The following DENND1A variants were observed in gnomAD, a reference collection of about 807,000 sequenced individuals.
DENND1A encodes the protein DENN domain containing 1A.
In DENND1A, 51 loss-of-function variants were observed where a neutral mutation model predicts 113.7. That is an observed-to-expected ratio of 0.45 (90% confidence interval 0.36 to 0.57). The LOEUF is 0.57. DENND1A is among the 20% of genes least tolerant of loss of function. The pLI, the probability that DENND1A is intolerant of heterozygous loss-of-function variation, is 0.00. For synonymous variants in DENND1A, 565 were observed against 570.8 expected, an observed-to-expected ratio of 0.99 and a Z score of 0.14; for missense variants, 1,258 against 1,395.9, an observed-to-expected ratio of 0.90 and a Z score of 1.57.
chr9:123,807,267 T>C (rs964440449), intron 2 of DENND1A, among the ~76,000 whole-genome samples: 1 of 152,210 alleles, frequency 6.6e-6, no homozygotes, highest in East Asian at 1.9e-4. Flanking sequence ...ATTTTTTAAA[T>C]GAACTTTGCA....
chr9:123,696,321 C>T (rs2065519200), intron 5 of DENND1A, among the ~76,000 whole-genome samples: 1 of 152,192 alleles, frequency 6.6e-6, no homozygotes, highest in South Asian at 2.1e-4. Context: ...AATTATTGCA[C>T]TTAGAATTCA....
At chr9:123,697,299 C>T (rs556676277) in intron 5 of DENND1A, among the ~76,000 whole-genome samples, 1 of 152,186 alleles carries the variant, frequency 6.6e-6, no homozygotes, top group Non-Finnish European at 1.5e-5. Flanking sequence ...TCATACAAGA[C>T]AAAATTAATT....
chr9:123,754,541 C>T lies in DENND1A; in HGVS notation c.302+3162G>A, dbSNP rs577869896. ...CTAGAAAAGCAACAGCAAGACGACA[C>T]TATGCCTTGGGATCATTCTGTGTAT... On this transcript the variant is annotated intron_variant, in intron 5 of 23. Transcript: ENST00000394215. 5.1e-4 allele frequency among the ~76,000 whole-genome samples: 77 copies of T among 152,300 alleles called. 1 individual carries two copies. The South Asian group carries it at 0.015, about 30-fold the overall frequency.
chr9:123,782,704 T>C (rs1389650274), intron 3 of DENND1A, among the ~76,000 whole-genome samples: 2 of 152,184 alleles, frequency 1.3e-5, no homozygotes, highest in Non-Finnish European at 2.9e-5. Context: ...AAAAACCAAT[T>C]AGTATCTTCT....
At chr9:123,707,436 C>T (rs541102771) in intron 5 of DENND1A, among the ~76,000 whole-genome samples, 1 of 151,866 alleles carries the variant, frequency 6.6e-6, no homozygotes, top group African/African-American at 2.4e-5. Flanking sequence ...GGACTGAGCC[C>T]TGGAAGGGAG....
intron 21 of DENND1A, among the ~76,000 whole-genome samples, chr9:123,399,704 G>A (rs1227641706): frequency 6.6e-6 from 1 of 152,220 alleles, no homozygotes; most frequent in Non-Finnish European, 1.5e-5. Context: ...GGCCTGCTGG[G>A]CAGGCCATCA....
intron 11 of DENND1A, among the ~76,000 whole-genome samples, chr9:123,585,635 G>A (rs1432149795): frequency 1.3e-5 from 2 of 152,210 alleles, no homozygotes; most frequent in South Asian, 4.1e-4. Context: ...TACAAAAACA[G>A]CATCAATGGC....
chr9:123,902,779 G>GGA (rs1851898685), intron 1 of DENND1A, among the ~76,000 whole-genome samples: 1 of 146,378 alleles, frequency 6.8e-6, no homozygotes, highest in South Asian at 2.1e-4. Context: ...GCAAGGAAGA[G>GGA]GAGAACAAGA....
chr9:123,577,275 T>C (rs1272300877), intron 12 of DENND1A, among the ~76,000 whole-genome samples: 2 of 152,194 alleles, frequency 1.3e-5, no homozygotes, highest in Admixed American at 6.5e-5. Context: ...ATCCCATAAG[T>C]GATTTTTTTT....
At chr9:123,728,781 C>G (rs1242990965) in intron 5 of DENND1A, among the ~76,000 whole-genome samples, 6 of 152,280 alleles carry the variant, frequency 3.9e-5, no homozygotes, top group Non-Finnish European at 2.9e-5. Context: ...TCAGCATAAT[C>G]CTGATACCAA....
chr9:123,740,943 T>C (rs1025222574), intron 5 of DENND1A, among the ~76,000 whole-genome samples: 1 of 51,398 alleles, frequency 1.9e-5, no homozygotes, highest in African/African-American at 7.3e-5. Flanking sequence ...AGAGAGAGAG[T>C]ATGGACAGGC....
chr9:123,537,262 A>G (rs2055856127), intron 13 of DENND1A, among the ~76,000 whole-genome samples: 1 of 152,108 alleles, frequency 6.6e-6, no homozygotes, highest in Admixed American at 6.5e-5. Context: ...GAACTAGATT[A>G]TTATATTCAG....
At chr9:123,689,444 A>G (rs1466911463) in intron 5 of DENND1A, among the ~76,000 whole-genome samples, 4 of 152,176 alleles carry the variant, frequency 2.6e-5, no homozygotes, top group African/African-American at 7.2e-5. Context: ...CGCATGAATC[A>G]TTTTTACTAT....
At chr9:123,533,850 T>C (rs2055525186) in intron 13 of DENND1A, among the ~76,000 whole-genome samples, 1 of 152,180 alleles carries the variant, frequency 6.6e-6, no homozygotes, top group Non-Finnish European at 1.5e-5. Context: ...AACCACTCCC[T>C]CTCCTCCACG....
chr9:123,770,202 A>G (rs1829504746), intron 3 of DENND1A, among the ~76,000 whole-genome samples: 1 of 152,222 alleles, frequency 6.6e-6, no homozygotes, highest in Non-Finnish European at 1.5e-5. Flanking sequence ...TTGAAATATC[A>G]CCATATTTGA....
At chr9:123,609,195 C>T (rs59634514) in intron 11 of DENND1A, among the ~76,000 whole-genome samples, 5,554 of 152,288 alleles carry the variant, frequency 0.036, 365 homozygotes, top group African/African-American at 0.13. Flanking sequence ...CTCCTGCCTC[C>T]TTGACTCTCA....
chr9:123,391,138 G>A (rs934366438), intron 21 of DENND1A, among the ~76,000 whole-genome samples: 12 of 152,374 alleles, frequency 7.9e-5, no homozygotes, highest in Admixed American at 1.3e-4. Context: ...GGCGGGGGAA[G>A]AGAGGGAACC....
intron 5 of DENND1A, among the ~76,000 whole-genome samples, chr9:123,716,681 A>G (rs912095744): frequency 1.3e-5 from 2 of 152,228 alleles, no homozygotes; most frequent in African/African-American, 4.8e-5. Flanking sequence ...AGTACAAACG[A>G]ATGCAGTGGA....
At chr9:123,464,252 T>G (rs1054284435) in intron 13 of DENND1A, among the ~76,000 whole-genome samples, 1 of 152,150 alleles carries the variant, frequency 6.6e-6, no homozygotes, top group African/African-American at 2.4e-5. Context: ...GAGAAGTGGA[T>G]GAAAATATAG....
Sources: gnomAD v4.1 joint callset for allele counts (sites outside exome capture counted in the v4.1 genomes callset) on GRCh38, gnomAD v4.1.1 for gene constraint, MANE v1.5 for transcripts, NCBI Gene and HGNC (gene_info 2026-07-23, HGNC 2026-07-21) for gene names.